Variants in SH3RF1 observed in about 807,000 individuals in gnomAD.
The protein encoded by SH3RF1 is E3 ubiquitin-protein ligase SH3RF1.
In SH3RF1, 32 loss-of-function variants were observed where a neutral mutation model predicts 74.0. The ratio of observed to expected loss-of-function variants is 0.43; its 90% CI spans 0.33 to 0.58. The LOEUF (loss-of-function observed/expected upper bound fraction) is 0.58, where lower values mean the gene tolerates loss of function less well. SH3RF1 is among the 20% of genes least tolerant of loss of function. The pLI is 0.05. For synonymous variants in SH3RF1, 396 were observed against 439.6 expected, an observed-to-expected ratio of 0.90 and a Z score of 1.24; for missense variants, 954 against 1,130.9, an observed-to-expected ratio of 0.84 and a Z score of 2.24.
intron 11 of SH3RF1, among the ~76,000 whole-genome samples, chr4:169,101,977 A>G (rs907304084): frequency 2.0e-5 from 3 of 152,216 alleles, no homozygotes; most frequent in African/African-American, 7.2e-5. Context: ...ATCTTTTATT[A>G]GTATACATTT....
At chr4:169,113,357 G>C (rs1213697284) in intron 10 of SH3RF1, among the ~76,000 whole-genome samples, 1 of 152,198 alleles carries the variant, frequency 6.6e-6, no homozygotes, top group Non-Finnish European at 1.5e-5. Flanking sequence ...TGATACACCA[G>C]CTTTGGCCTC....
chr4:169,107,148 G>A lies in SH3RF1; in HGVS notation c.2197C>T (p.Arg733Cys), dbSNP rs1377121014. ...LSGASTKRKPRVSPPASPTLE... is the reference protein window; with the variant it reads ...LSGASTKRKPCVSPPASPTLE... ...GTGGGCGATGCTGGAGGAGACACGC[G>A]GGGCTTCCGTTTAGTGGAGGCGCCA... The change falls in exon 11 of 12, where the codon CGC becomes TGC. Residue 733 changes from arginine to cysteine, a missense_variant. By Grantham distance (180) the Arg-to-Cys change is radical. Around this residue, in one of 3 missense-constraint regions of SH3RF1, gnomAD observed 854 missense variants for 962.5 expected, o/e 0.89. Transcript: ENST00000284637. The A allele has an allele frequency of 2.5e-6, 4 of 1,594,208 alleles. No individual in the cohort carries two copies. Among genetic ancestry groups the A allele is most frequent in the Non-Finnish European group, 2.6e-6 (3 of 1,170,732 alleles).
intron 2 of SH3RF1, among the ~76,000 whole-genome samples, chr4:169,180,204 A>G (rs532781287): frequency 1.1e-4 from 16 of 152,360 alleles, no homozygotes; most frequent in African/African-American, 2.9e-4. Context: ...TTTCTAATAC[A>G]GTATGTCCCA....
rs1732880839 is a variant in SH3RF1 at position 169,094,581 on chromosome 4, T to A, written c.*1938A>T. 1 of 152,210 alleles carries A rather than the reference T, an allele frequency of 6.6e-6. No homozygotes were observed. Among genetic ancestry groups the A allele is most frequent in the Non-Finnish European group, 1.5e-5 (1 of 68,020 alleles). 9.4% of individuals were successfully genotyped at this position (152,210 alleles called of 1,614,324 possible). Reference sequence around the variant, plus strand: ...AACCTGTAGTAGTCTTTTTTCTTTTTAAAATTTTTATAAAATACACTAATT... The same window carrying A: ...AACCTGTAGTAGTCTTTTTTCTTTTAAAAATTTTTATAAAATACACTAATT... On this transcript the variant is annotated 3_prime_UTR_variant, in exon 12 of 12. Coordinates refer to ENST00000284637, the MANE Select transcript of SH3RF1 (RefSeq NM_020870.4).
chr4:169,248,956 A>G (rs1034073346), intron 2 of SH3RF1, among the ~76,000 whole-genome samples: 1 of 152,344 alleles, frequency 6.6e-6, no homozygotes, highest in East Asian at 1.9e-4. Flanking sequence ...GGACGGGCCC[A>G]GTGGCTCACG....
chr4:169,202,772 T>A (rs1385032780), intron 2 of SH3RF1, among the ~76,000 whole-genome samples: 1 of 152,214 alleles, frequency 6.6e-6, no homozygotes, highest in Non-Finnish European at 1.5e-5. Context: ...CCCTTAGATA[T>A]GTTGTTGTCA....
At chr4:169,114,470 TC>T (rs1733297506) in intron 10 of SH3RF1, among the ~76,000 whole-genome samples, 3 of 152,160 alleles carry the variant, frequency 2.0e-5, no homozygotes, top group Admixed American at 6.6e-5. Flanking sequence ...TAATGAAACA[TC>T]TTTAAAAGTT....
chr4:169,199,335 T>C (rs755583147), intron 2 of SH3RF1, among the ~76,000 whole-genome samples: 2 of 152,364 alleles, frequency 1.3e-5, no homozygotes, highest in East Asian at 1.9e-4. Context: ...ATCATTCTCA[T>C]AACAGTCTAA....
intron 2 of SH3RF1, among the ~76,000 whole-genome samples, chr4:169,179,913 C>T (rs1734480256): frequency 6.6e-6 from 1 of 152,160 alleles, no homozygotes; most frequent in African/African-American, 2.4e-5. Flanking sequence ...CCTTGGTAAT[C>T]ATGGTGGATG....
intron 2 of SH3RF1, among the ~76,000 whole-genome samples, chr4:169,238,761 A>C (rs1730856986): frequency 6.6e-6 from 1 of 152,182 alleles, no homozygotes; most frequent in Non-Finnish European, 1.5e-5. Flanking sequence ...CTCTGAAAAC[A>C]TTTCAGCTGC....
At chr4:169,163,683 G>A (rs1734188175) in intron 2 of SH3RF1, among the ~76,000 whole-genome samples, 1 of 151,944 alleles carries the variant, frequency 6.6e-6, no homozygotes, top group African/African-American at 2.4e-5. Flanking sequence ...CCCTCCATTT[G>A]GATTGTCTGT....
At chr4:169,255,020 A>G (rs1731163309) in intron 2 of SH3RF1, among the ~76,000 whole-genome samples, 1 of 152,162 alleles carries the variant, frequency 6.6e-6, no homozygotes. Flanking sequence ...ATGAGAGTAC[A>G]TTGCAAGGAC....
chr4:169,188,493 G>A (rs548176012), intron 2 of SH3RF1, among the ~76,000 whole-genome samples: 1 of 152,292 alleles, frequency 6.6e-6, no homozygotes, highest in African/African-American at 2.4e-5. Context: ...CCTGTATACA[G>A]CTTGTTACTC....
chr4:169,241,588 C>G (rs1183617417), intron 2 of SH3RF1, among the ~76,000 whole-genome samples: 1 of 132,850 alleles, frequency 7.5e-6, no homozygotes, highest in African/African-American at 2.7e-5. Flanking sequence ...CCAGAGGAGA[C>G]AGTGAGAAAG....
intron 7 of SH3RF1, 23 bp from the exon 8 acceptor site, chr4:169,121,012 A>C (rs201073877): frequency 4.4e-6 from 7 of 1,598,116 alleles, no homozygotes; most frequent in Non-Finnish European, 5.1e-6. Flanking sequence ...ATAATATTTG[A>C]TTTCAGGTTG....
intron 6 of SH3RF1, among the ~76,000 whole-genome samples, chr4:169,123,413 G>A (rs183545957): frequency 3.2e-4 from 49 of 152,282 alleles, no homozygotes; most frequent in African/African-American, 7.2e-5. Flanking sequence ...TTGCTAAAGC[G>A]ACTTTCAATA....
intron 4 of SH3RF1, among the ~76,000 whole-genome samples, chr4:169,146,104 T>C (rs977153315): frequency 6.7e-5 from 7 of 104,540 alleles, no homozygotes; most frequent in Admixed American, 6.0e-4. Context: ...CTATATAAAA[T>C]GTTATATATT....
chr4:169,098,993 C>T (rs1732973648), intron 11 of SH3RF1, among the ~76,000 whole-genome samples: 1 of 152,230 alleles, frequency 6.6e-6, no homozygotes, highest in South Asian at 2.1e-4. Context: ...GGCTGGACAT[C>T]TCTAACTAGG....
chr4:169,107,139 G>C lies in SH3RF1; in HGVS notation c.2206C>G (p.Pro736Ala), dbSNP rs1733158931. The stretch of plus-strand genomic sequence containing the variant: ...ACTTCTAGGGTGGGCGATGCTGGAG[G>C]AGACACGCGGGGCTTCCGTTTAGTG... ...ASTKRKPRVSPPASPTLEVEL... is the reference protein window; with the variant it reads ...ASTKRKPRVSAPASPTLEVEL... The change falls in exon 11 of 12, where the codon CCT (proline) becomes GCT (alanine). Residue 736 changes from proline (P) to alanine (A), a missense_variant. Coordinates refer to ENST00000284637, the MANE Select transcript of SH3RF1 (RefSeq NM_020870.4). 5.0e-6 allele frequency: 8 copies of C among 1,605,648 alleles called. No individual in the cohort carries two copies. Among genetic ancestry groups the C allele is most frequent in the Non-Finnish European group, 6.8e-6 (8 of 1,175,232 alleles).
Sources: allele counts gnomAD v4.1 joint callset (sites outside exome capture counted in the v4.1 genomes callset), GRCh38; gene constraint gnomAD v4.1.1; regional missense constraint gnomAD v4.1.1; transcripts MANE v1.5; gene names NCBI Gene and HGNC (gene_info 2026-07-23, HGNC 2026-07-21).